ZNF212: variants seen among roughly 807,000 people sequenced by gnomAD.
ZNF212 encodes the protein Zinc finger protein C2H2-150.
ZNF212 carries 32 observed loss-of-function variants against 47.3 expected under a neutral mutation model. That is an observed-to-expected ratio of 0.68 (90% CI 0.51 to 0.91). The LOEUF is 0.91. ZNF212 is among the 40% of genes least tolerant of loss of function. ZNF212 has a pLI of 0.00. For missense variants in ZNF212, 555 were observed against 622.8 expected (o/e 0.89, Z 1.16); for synonymous variants, 242 against 253.8 (o/e 0.95, Z 0.44).
At position 149,239,680 on chromosome 7, in the gene ZNF212, G is replaced by GCGC. The variant is rs1373362268; in HGVS notation, c.-97_-96insCCG. ...TGCACCTGGCATCAACACGGCGGCG[G>GCGC]CGGCGGCGGCTTCCAACAGGCTCTG... On this transcript the variant is annotated 5_prime_UTR_variant, in exon 1 of 5. Transcript: ENST00000335870. 2 of 1,283,618 alleles carry GCGC rather than the reference G, an allele frequency of 1.6e-6. No homozygotes were observed. Among genetic ancestry groups the GCGC allele is most frequent in the Non-Finnish European group, 2.0e-6 (2 of 1,008,012 alleles). The allele number at this position is 1,283,618 out of a possible 1,614,324, so 79.5% of individuals were successfully genotyped here.
chr7:149,253,306 G>T (rs1424684104), intron 4 of ZNF212, among the ~76,000 whole-genome samples: 1 of 152,198 alleles, frequency 6.6e-6, no homozygotes, highest in South Asian at 2.1e-4. Context: ...TTGTAGACAA[G>T]CTTGGAGAAC....
intron 3 of ZNF212, chr7:149,251,265 A>G (rs1294747917): frequency 1.2e-4 from 22 of 178,586 alleles, no homozygotes; most frequent in Non-Finnish European, 2.4e-5. Flanking sequence ...GCTCACTGCA[A>G]CCTCTGCCTC....
In ZNF212 at chr7:149,253,944, T is replaced by G; in HGVS notation, c.1017T>G (p.Ser339=). The G allele has an allele frequency of 1.2e-6, 2 of 1,613,988 alleles. No individual in the cohort carries two copies. Among genetic ancestry groups the G allele is most frequent in the South Asian group, 2.2e-5 (2 of 91,076 alleles). Residue 339 remains serine, a synonymous_variant, in exon 5 of 5, where the codon TCT becomes TCG. Transcript: ENST00000335870. ...QQLATHLRSH[S]GWGSCTPEEP... Reference sequence around the variant, plus strand: ...TGGCCACACATCTGCGCAGCCACTCTGGGTGGGGGTCTTGTACACCTGAGG... The same window carrying G: ...TGGCCACACATCTGCGCAGCCACTCGGGGTGGGGGTCTTGTACACCTGAGG...
At position 149,253,932 on chromosome 7, in the gene ZNF212, G is replaced by A. The variant is rs751166372; in HGVS notation, c.1005G>A (p.Leu335=). 28 of 1,613,924 alleles carry A rather than the reference G, an allele frequency of 1.7e-5. 1 individual carries two copies. In the East Asian group the frequency reaches 6.2e-4, roughly 36 times the overall value. The change falls in exon 5 of 5, where the codon CTG becomes CTA. Residue 335 remains leucine (L), a synonymous_variant. Coordinates refer to ENST00000335870, the MANE Select transcript of ZNF212 (RefSeq NM_012256.4). ...ATAAGCAGCAGCTGGCCACACATCTGCGCAGCCACTCTGGGTGGGGGTCTT... is the reference window on the plus strand; with the variant it reads ...ATAAGCAGCAGCTGGCCACACATCTACGCAGCCACTCTGGGTGGGGGTCTT... ...FRYKQQLATH[L]RSHSGWGSCT...
At chr7:149,251,134 T>C in intron 3 of ZNF212, 1 of 273,356 alleles carries the variant, frequency 3.7e-6, no homozygotes, top group South Asian at 4.2e-5. Context: ...TACCCTATAG[T>C]GTGATATGGC....
intron 1 of ZNF212, among the ~76,000 whole-genome samples, chr7:149,242,743 T>C (rs1796612190): frequency 6.6e-6 from 1 of 152,178 alleles, no homozygotes; most frequent in Non-Finnish European, 1.5e-5. Flanking sequence ...TTAAAAACAA[T>C]TAAAATACAT....
At position 149,253,588 on chromosome 7, in the gene ZNF212, C is replaced by T; in HGVS notation, c.661C>T (p.Gln221Ter). Reference sequence around the variant, plus strand: ...TGGGGTCATGATCAAACAGGAGCTACAGTATACACAGGAAGGCCCTGCGGA... The same window carrying T: ...TGGGGTCATGATCAAACAGGAGCTATAGTATACACAGGAAGGCCCTGCGGA... ...AGGVMIKQELQYTQEGPADLP... is the reference protein window; with the variant it reads ...AGGVMIKQEL The change falls in exon 5 of 5, where the codon CAG becomes TAG. Residue 221 changes from glutamine (Q) to a stop codon, truncating the protein, a stop_gained. Coordinates refer to ENST00000335870, the MANE Select transcript of ZNF212 (RefSeq NM_012256.4). LOFTEE classifies it high-confidence loss of function. The T allele has an allele frequency of 6.2e-7, 1 of 1,611,292 alleles. No homozygotes were observed. The highest frequency in any genetic ancestry group is 8.5e-7 in the Non-Finnish European group (1 of 1,177,682).
chr7:149,252,303 G>GT (rs1796771750), intron 3 of ZNF212, among the ~76,000 whole-genome samples: 6 of 152,190 alleles, frequency 3.9e-5, no homozygotes. Flanking sequence ...CATTGTGACT[G>GT]TTTCCTTGTC....
At chr7:149,252,867 G>C (rs561920740) in intron 4 of ZNF212, 72 bp downstream of exon 4, 2 of 1,482,932 alleles carry the variant, frequency 1.3e-6, no homozygotes, top group African/African-American at 2.8e-5. Flanking sequence ...TCCCACGGCT[G>C]AAGTGCCAGG....
At chr7:149,251,833 G>A (rs546274245) in intron 3 of ZNF212, among the ~76,000 whole-genome samples, 1 of 151,558 alleles carries the variant, frequency 6.6e-6, no homozygotes, top group East Asian at 2.0e-4. Context: ...AGATGGGTGT[G>A]GTAGCTCACA....
Position 149,255,303 on chromosome 7 carries a change from T to G in ZNF212, c.*888T>G, listed in dbSNP as rs375684974. The G allele has an allele frequency of 6.5e-6, 1 of 153,802 alleles. No individual in the cohort carries two copies. The highest frequency in any genetic ancestry group is 1.9e-4 in the East Asian group (1 of 5,184). The allele number at this position is 153,802 out of a possible 1,614,324, so 9.5% of individuals were successfully genotyped here. On this transcript the variant is annotated 3_prime_UTR_variant, in exon 5 of 5. Coordinates refer to ENST00000335870, the MANE Select transcript of ZNF212 (RefSeq NM_012256.4). ...GGCTATGTTCTGCAGCCTCCCAGAG[T>G]AGAAAACTACTTTGTTACTTAAGGT...
intron 3 of ZNF212, chr7:149,251,398 T>G (rs1478200456): frequency 6.4e-6 from 1 of 155,802 alleles, no homozygotes; most frequent in African/African-American, 2.4e-5. Context: ...TTGGCCAAGC[T>G]GGTCTTGAAC....
At chr7:149,239,941 C>A in intron 1 of ZNF212, 139 bp downstream of exon 1, 1 of 1,002,110 alleles carries the variant, frequency 1.0e-6, no homozygotes, top group Non-Finnish European at 1.3e-6. Context: ...AACGCGGACC[C>A]TCCTCTTCGC....
intron 1 of ZNF212, among the ~76,000 whole-genome samples, chr7:149,246,898 C>T (rs62505133): frequency 0.097 from 14,295 of 146,926 alleles, 1,090 homozygotes; most frequent in East Asian, 0.23. Flanking sequence ...CCGCAACCTC[C>T]GCCTCTCAGG....
At chr7:149,253,422 A>C in intron 4 of ZNF212, 137 bp from the exon 5 acceptor site, 1 of 1,037,980 alleles carries the variant, frequency 9.6e-7, no homozygotes, top group Non-Finnish European at 1.4e-6. Context: ...GAACCTAGCC[A>C]GTGTCATCCT....
chr7:149,245,347 G>A (rs1796660793), intron 1 of ZNF212, among the ~76,000 whole-genome samples: 1 of 135,526 alleles, frequency 7.4e-6, no homozygotes, highest in South Asian at 2.5e-4. Flanking sequence ...CAGAGCGAGA[G>A]ACTCCATCTC....
At chr7:149,240,401 C>T (rs549887257) in intron 1 of ZNF212, among the ~76,000 whole-genome samples, 2 of 151,490 alleles carry the variant, frequency 1.3e-5, no homozygotes, top group Admixed American at 6.6e-5. Context: ...CCAACACCCC[C>T]CTCCCAGCCC....
intron 1 of ZNF212, among the ~76,000 whole-genome samples, chr7:149,243,871 A>G (rs1796636220): frequency 6.6e-6 from 1 of 152,260 alleles, no homozygotes; most frequent in South Asian, 2.1e-4. Context: ...CACTAGGCAC[A>G]TGTGGCTTTT....
intron 1 of ZNF212, among the ~76,000 whole-genome samples, chr7:149,245,385 A>G (rs1010842333): frequency 1.3e-5 from 2 of 150,466 alleles, no homozygotes; most frequent in African/African-American, 4.9e-5. Flanking sequence ...AAGGATTTGC[A>G]TACTATGTTT....
Sources: allele counts gnomAD v4.1 joint callset (sites outside exome capture counted in the v4.1 genomes callset), GRCh38; gene constraint gnomAD v4.1.1; transcripts MANE v1.5; gene names NCBI Gene and HGNC (gene_info 2026-07-23, HGNC 2026-07-21).